The following TENM2 variants were observed in gnomAD, a reference collection of about 807,000 sequenced individuals.
TENM2 encodes the protein teneurin transmembrane protein 2, also known as teneurin-2.
In TENM2, 52 loss-of-function variants were observed where a neutral mutation model predicts 245.2. The ratio of observed to expected loss-of-function variants is 0.21; its 90% CI spans 0.17 to 0.27. The LOEUF is 0.27. Ranked by LOEUF, TENM2 falls within the 10% of genes least tolerant of loss-of-function variation. The pLI, the probability that TENM2 is intolerant of heterozygous loss-of-function variation, is 1.00. For missense variants in TENM2, 3,046 were observed against 3,666.8 expected (o/e 0.83, Z 4.37); for synonymous variants, 1,363 against 1,438.9 (o/e 0.95, Z 1.19).
chr5:167,860,695 C>G (rs1179615732), intron 2 of TENM2, among the ~76,000 whole-genome samples: 1 of 46,352 alleles, frequency 2.2e-5, no homozygotes, highest in African/African-American at 1.0e-4. Flanking sequence ...TTGTTCTGCA[C>G]TAAGAAAAAT....
At chr5:167,645,965 A>G (rs1170477323) in intron 2 of TENM2, among the ~76,000 whole-genome samples, 1 of 151,648 alleles carries the variant, frequency 6.6e-6, no homozygotes, top group African/African-American at 2.4e-5. Context: ...TTCTTATAAT[A>G]AAATGAGAAT....
intron 2 of TENM2, among the ~76,000 whole-genome samples, chr5:167,700,113 C>T (rs145272359): frequency 6.6e-6 from 1 of 152,134 alleles, no homozygotes; most frequent in Non-Finnish European, 1.5e-5. Flanking sequence ...TGCAAAGACA[C>T]TTAGTGTCTC....
chr5:168,041,471 T>A (rs1257074325), intron 5 of TENM2, among the ~76,000 whole-genome samples: 2 of 152,174 alleles, frequency 1.3e-5, no homozygotes, highest in African/African-American at 4.8e-5. Context: ...CCCTTCGGCG[T>A]GCTCTTCCCC....
chr5:167,468,509 C>T (rs762357319), intron 2 of TENM2, among the ~76,000 whole-genome samples: 27 of 152,296 alleles, frequency 1.8e-4, no homozygotes, highest in Middle Eastern at 3.4e-3. Flanking sequence ...AATACATTTA[C>T]ATATATTTTT....
chr5:167,320,330 C>T (rs1461820589), intron 1 of TENM2, among the ~76,000 whole-genome samples: 1 of 152,126 alleles, frequency 6.6e-6, no homozygotes, highest in African/African-American at 2.4e-5. Flanking sequence ...GTACAAAAAC[C>T]AGCACACTGA....
chr5:167,880,396 A>G lies in TENM2; in HGVS notation c.712+4201A>G, dbSNP rs573312606. On this transcript the variant is annotated intron_variant, in intron 3 of 28. Transcript: ENST00000518659. ...ATGATACAATAAAGGTAAAGGAAAA[A>G]TTTAAGGGAGAAAGTATACATATAT... Among the ~76,000 whole-genome samples, 32 of 152,310 alleles carry G rather than the reference A, an allele frequency of 2.1e-4. No individual in the cohort carries two copies. In the East Asian group the frequency reaches 2.7e-3, roughly 13 times the overall value.
chr5:167,609,580 C>T (rs1355574570), intron 2 of TENM2, among the ~76,000 whole-genome samples: 1 of 148,524 alleles, frequency 6.7e-6, no homozygotes. Context: ...TTTGGAACTT[C>T]CAACAGACTG....
At chr5:167,391,770 A>C (rs532446421) in intron 2 of TENM2, among the ~76,000 whole-genome samples, 1 of 152,286 alleles carries the variant, frequency 6.6e-6, no homozygotes, top group Non-Finnish European at 1.5e-5. Context: ...AAGACAACTA[A>C]GTAGAAAGGC....
intron 13 of TENM2, chr5:168,186,303 A>C (rs1032738548): frequency 6.6e-6 from 1 of 152,088 alleles, no homozygotes; most frequent in Non-Finnish European, 1.5e-5. Context: ...TTATGGAAGA[A>C]TCTCTCTGAT....
chr5:167,008,375 T>A, the TENM2 span, among the ~76,000 whole-genome samples: 1 of 152,194 alleles, frequency 6.6e-6, no homozygotes, highest in African/African-American at 2.4e-5. Flanking sequence ...GGGGCAGCAG[T>A]TCATACTCCT....
chr5:167,486,337 T>G (rs1768072396), intron 2 of TENM2, among the ~76,000 whole-genome samples: 2 of 151,044 alleles, frequency 1.3e-5, no homozygotes, highest in African/African-American at 2.4e-5. Context: ...TTTTTTTTTT[T>G]TTTTCTTTTG....
At chr5:168,045,570 C>T (rs532846128) in intron 5 of TENM2, among the ~76,000 whole-genome samples, 67 of 152,302 alleles carry the variant, frequency 4.4e-4, no homozygotes, top group African/African-American at 1.4e-3. Flanking sequence ...CTTCCATAGA[C>T]GTGAAATCAA....
chr5:167,049,340 C>T, the TENM2 span, among the ~76,000 whole-genome samples: 2 of 152,114 alleles, frequency 1.3e-5, no homozygotes, highest in Admixed American at 1.3e-4. Flanking sequence ...GTGGAGCATT[C>T]AGGGTTTTTC....
chr5:167,741,840 CT>C (rs1289901855), intron 2 of TENM2, among the ~76,000 whole-genome samples: 1 of 152,118 alleles, frequency 6.6e-6, no homozygotes, highest in Non-Finnish European at 1.5e-5. Context: ...AAAATCAACC[CT>C]CATGCATTCG....
intron 1 of TENM2, among the ~76,000 whole-genome samples, chr5:167,350,599 G>GATATATATATGGGATATATATATATGGAT (rs1561883317): frequency 8.2e-6 from 1 of 122,436 alleles, no homozygotes; most frequent in Non-Finnish European, 1.8e-5. Context: ...TATATATATG[G>GATATATATATGGGATATATATATATGGAT]ATATATATAT....
At chr5:167,339,271 TAGAC>T (rs1402707208) in intron 1 of TENM2, among the ~76,000 whole-genome samples, 2 of 152,194 alleles carry the variant, frequency 1.3e-5, no homozygotes, top group African/African-American at 4.8e-5. Context: ...AATACAGTGA[TAGAC>T]AGTCGTAGAC....
intron 1 of TENM2, among the ~76,000 whole-genome samples, chr5:167,304,482 ACTAT>A (rs1185655460): frequency 5.3e-5 from 8 of 152,182 alleles, no homozygotes; most frequent in Non-Finnish European, 1.2e-4. Context: ...ACAAAACAAG[ACTAT>A]CTATAGGGCA....
chr5:168,198,188 C>T lies in TENM2; in HGVS notation c.2901-665C>T, dbSNP rs977149563. 3.6e-3 allele frequency among the ~76,000 whole-genome samples: 344 copies of T among 95,892 alleles called. 5 individuals are homozygous for T. The highest frequency in any genetic ancestry group is 0.014 in the African/African-American group (304 of 21,350). The allele number at this position is 95,892 out of a possible 152,430, so 62.9% of individuals were successfully genotyped here. On this transcript the variant is annotated intron_variant, in intron 15 of 28. Coordinates refer to ENST00000518659, the Ensembl canonical transcript of TENM2. ...GGGTGTAACTGTATGCCAATGAACC[C>T]TTTTTTTTTTTTTTTTTTTTTTTTT...
chr5:167,267,770 G>A, the TENM2 span, among the ~76,000 whole-genome samples: 6 of 152,182 alleles, frequency 3.9e-5, no homozygotes, highest in South Asian at 8.3e-4. Context: ...CTTAGGAAAT[G>A]CAGGGATGCA....
Sources: allele counts gnomAD v4.1 joint callset (sites outside exome capture counted in the v4.1 genomes callset), GRCh38; gene constraint gnomAD v4.1.1; transcripts MANE v1.5; gene names NCBI Gene and HGNC (gene_info 2026-07-23, HGNC 2026-07-21).